PLXDC2: variants seen among roughly 807,000 people sequenced by gnomAD.
PLXDC2 encodes the protein plexin domain-containing protein 2.
PLXDC2 carries 40 observed loss-of-function variants against 68.9 expected under a neutral mutation model. The observed-to-expected ratio is 0.58, with a 90% confidence interval of 0.45 to 0.76. The LOEUF (loss-of-function observed/expected upper bound fraction) is 0.76. Among genes scored for constraint, PLXDC2 ranks in the 30% least tolerant of loss-of-function variants. The pLI is 0.00. For missense variants in PLXDC2, 644 were observed against 661.9 expected (o/e 0.97, Z 0.30); for synonymous variants, 243 against 234.2 (o/e 1.04, Z -0.34).
intron 1 of PLXDC2, among the ~76,000 whole-genome samples, chr10:19,989,078 G>T (rs1415316934): frequency 2.6e-5 from 4 of 152,030 alleles, no homozygotes; most frequent in Non-Finnish European, 5.9e-5. Flanking sequence ...GGGATTACAG[G>T]CATGAGCCAC....
intron 1 of PLXDC2, among the ~76,000 whole-genome samples, chr10:19,995,478 A>G (rs1242826451): frequency 6.6e-6 from 1 of 152,172 alleles, no homozygotes; most frequent in Non-Finnish European, 1.5e-5. Flanking sequence ...CATGTAAACT[A>G]TCTTTTGTCT....
intron 6 of PLXDC2, among the ~76,000 whole-genome samples, chr10:20,151,839 T>C (rs2131801985): frequency 6.6e-6 from 1 of 152,242 alleles, no homozygotes; most frequent in South Asian, 2.1e-4. Flanking sequence ...TAATTCTTTC[T>C]GTAATAAGTT....
intron 6 of PLXDC2, among the ~76,000 whole-genome samples, chr10:20,158,662 C>CAAATAAATAAAT (rs1235836557): frequency 4.8e-4 from 70 of 144,714 alleles, no homozygotes; most frequent in African/African-American, 1.7e-3. Context: ...GACTCTGTCT[C>CAAATAAATAAAT]AAATAAATAA....
At chr10:20,006,282 G>A (rs1387477042) in intron 2 of PLXDC2, among the ~76,000 whole-genome samples, 1 of 152,106 alleles carries the variant, frequency 6.6e-6, no homozygotes, top group East Asian at 1.9e-4. Context: ...GAAACCAAAT[G>A]GTTATAAAGT....
chr10:20,124,884 G>A (rs904001321), intron 4 of PLXDC2, among the ~76,000 whole-genome samples: 6 of 152,116 alleles, frequency 3.9e-5, no homozygotes, highest in East Asian at 1.9e-4. Context: ...GGATGTGTAC[G>A]TGCAGGTCAC....
intron 13 of PLXDC2, among the ~76,000 whole-genome samples, chr10:20,246,296 G>C (rs1366549070): frequency 6.6e-6 from 1 of 152,208 alleles, no homozygotes; most frequent in Non-Finnish European, 1.5e-5. Flanking sequence ...GTGTGACGAA[G>C]TCACCTCTGT....
chr10:20,231,368 T>C (rs1290925656), intron 12 of PLXDC2, among the ~76,000 whole-genome samples: 1 of 151,188 alleles, frequency 6.6e-6, no homozygotes, highest in African/African-American at 2.4e-5. Context: ...TGATAACTGA[T>C]ACAAAATACC....
chr10:20,242,533 A>G (rs2778982), intron 12 of PLXDC2, among the ~76,000 whole-genome samples: 77,661 of 151,920 alleles, frequency 0.51, 21,691 homozygotes, highest in Middle Eastern at 0.69. Context: ...TTTGATTTTT[A>G]TTGGCAATGT....
At chr10:19,976,653 C>T (rs1284893777) in intron 1 of PLXDC2, among the ~76,000 whole-genome samples, 1 of 152,086 alleles carries the variant, frequency 6.6e-6, no homozygotes, top group Non-Finnish European at 1.5e-5. Flanking sequence ...TGCAGAGCAC[C>T]CAATGTGTTC....
intron 1 of PLXDC2, among the ~76,000 whole-genome samples, chr10:19,873,209 A>G (rs1174772733): frequency 6.6e-6 from 1 of 152,118 alleles, no homozygotes; most frequent in Non-Finnish European, 1.5e-5. Flanking sequence ...TGCCTTAGAA[A>G]TGATAAAGAA....
chr10:20,141,936 T>C (rs1220984224), intron 4 of PLXDC2, among the ~76,000 whole-genome samples: 1 of 151,992 alleles, frequency 6.6e-6, no homozygotes, highest in African/African-American at 2.4e-5. Flanking sequence ...AAAGTACACA[T>C]TGAAGATTTT....
intron 1 of PLXDC2, among the ~76,000 whole-genome samples, chr10:19,836,891 GAT>G (rs1415282703): frequency 6.6e-6 from 1 of 152,168 alleles, no homozygotes. Flanking sequence ...TTTTTGTGGT[GAT>G]TAAAATAGTC....
At chr10:20,102,662 T>C (rs934550327) in intron 4 of PLXDC2, among the ~76,000 whole-genome samples, 2 of 152,214 alleles carry the variant, frequency 1.3e-5, no homozygotes, top group African/African-American at 4.8e-5. Context: ...GGGCCTATTA[T>C]TGTGGTACAG....
At chr10:19,926,661 T>G (rs1413798925) in intron 1 of PLXDC2, among the ~76,000 whole-genome samples, 8 of 152,186 alleles carry the variant, frequency 5.3e-5, no homozygotes, top group African/African-American at 9.7e-5. Flanking sequence ...GAGAGTAGAC[T>G]CAGTGTCAGT....
intron 1 of PLXDC2, among the ~76,000 whole-genome samples, chr10:19,847,089 T>C (rs1837023203): frequency 6.6e-6 from 1 of 151,954 alleles, no homozygotes; most frequent in Non-Finnish European, 1.5e-5. Context: ...AACACTTGGG[T>C]ATTATTACAA....
At chr10:20,063,251 G>A (rs10827946) in intron 3 of PLXDC2, among the ~76,000 whole-genome samples, 22,220 of 151,948 alleles carry the variant, frequency 0.15, 1,900 homozygotes, top group South Asian at 0.3. Flanking sequence ...TTAAAATCAC[G>A]GTGACTACTA....
intron 2 of PLXDC2, 47 bp from the exon 3 acceptor site, chr10:20,046,822 G>T: frequency 1.3e-6 from 2 of 1,530,844 alleles, no homozygotes; most frequent in African/African-American, 1.4e-5. Flanking sequence ...AAGAATTGTA[G>T]GTAAAACATC....
chr10:20,246,783 G>T (rs1435970892), intron 13 of PLXDC2, among the ~76,000 whole-genome samples: 1 of 152,136 alleles, frequency 6.6e-6, no homozygotes, highest in Non-Finnish European at 1.5e-5. Flanking sequence ...ATTATTCATT[G>T]TATGACACAT....
At chr10:19,966,373 AAT>A (rs1227868875) in intron 1 of PLXDC2, among the ~76,000 whole-genome samples, 1 of 148,652 alleles carries the variant, frequency 6.7e-6, no homozygotes, top group Non-Finnish European at 1.5e-5. Flanking sequence ...ATATATAAAA[AAT>A]ATATATGTGC....
Sources: allele counts gnomAD v4.1 joint callset (sites outside exome capture counted in the v4.1 genomes callset), GRCh38; gene constraint gnomAD v4.1.1; transcripts MANE v1.5; gene names NCBI Gene and HGNC (gene_info 2026-07-23, HGNC 2026-07-21).